ATXN7: variants seen among roughly 807,000 people sequenced by gnomAD.
The protein encoded by ATXN7 is ataxin 7.
A neutral mutation model predicts 70.5 loss-of-function variants in ATXN7; 12 were observed. The observed-to-expected ratio is 0.17, with a 90% CI of 0.11 to 0.28. The LOEUF (loss-of-function observed/expected upper bound fraction) is 0.28, where lower values mean the gene tolerates loss of function less well. ATXN7 is among the 10% of genes least tolerant of loss of function. The pLI, the probability that ATXN7 is intolerant of heterozygous loss-of-function variation, is 1.00. For synonymous variants in ATXN7, 498 were observed against 448.7 expected, an observed-to-expected ratio of 1.11 and a Z score of -1.39; for missense variants, 1,256 against 1,131.7, an observed-to-expected ratio of 1.11 and a Z score of -1.58.
intron 2 of ATXN7, among the ~76,000 whole-genome samples, chr3:63,906,349 C>T (rs539345700): frequency 1.1e-4 from 16 of 152,306 alleles, no homozygotes; most frequent in Admixed American, 9.8e-4. Context: ...TTGTGTTGTT[C>T]CTTCCCTCTT....
intron 4 of ATXN7, among the ~76,000 whole-genome samples, chr3:63,935,021 C>T (rs1157910466): frequency 6.6e-6 from 1 of 152,122 alleles, no homozygotes; most frequent in Non-Finnish European, 1.5e-5. Context: ...GCTTGAAAAC[C>T]ACAACTTTAA....
At chr3:63,901,801 T>C (rs534980403) in intron 2 of ATXN7, 1 of 152,304 alleles carries the variant, frequency 6.6e-6, no homozygotes, top group East Asian at 1.9e-4. Flanking sequence ...CAGTGGAATA[T>C]TATTTAGCCA....
chr3:63,913,595 T>C (rs899438341), intron 4 of ATXN7, among the ~76,000 whole-genome samples: 3 of 152,192 alleles, frequency 2.0e-5, no homozygotes, highest in Admixed American at 6.5e-5. Flanking sequence ...CATTTTCTGT[T>C]GGCAATCGAA....
chr3:63,884,242 TACTCTCACA>T (rs1703009231), intron 1 of ATXN7, among the ~76,000 whole-genome samples: 1 of 86,528 alleles, frequency 1.2e-5, no homozygotes, highest in African/African-American at 4.3e-5. Context: ...CACACACACA[TACTCTCACA>T]CACACACACA....
chr3:63,935,147 T>C (rs1017442904), intron 4 of ATXN7, among the ~76,000 whole-genome samples: 2 of 152,230 alleles, frequency 1.3e-5, no homozygotes, highest in Non-Finnish European at 2.9e-5. Context: ...TGAATGTTGA[T>C]GCTGCTGCTC....
Position 63,932,193 on chromosome 3 carries a change from A to G in ATXN7, c.394+18968A>G, listed in dbSNP as rs371696873. Reference sequence around the variant, plus strand: ...GCAGGTTCCCATATTCAAGGTAATTAAAAAATTTTTTAATTTGGTTTCTAA... The same window carrying G: ...GCAGGTTCCCATATTCAAGGTAATTGAAAAATTTTTTAATTTGGTTTCTAA... On this transcript the variant is annotated intron_variant, in intron 4 of 12. Transcript: ENST00000674280. Among the ~76,000 whole-genome samples the G allele has an allele frequency of 8.5e-5, 13 of 152,188 alleles. No homozygotes were observed. The East Asian group carries it at 2.5e-3, about 29-fold the overall frequency.
intron 1 of ATXN7, among the ~76,000 whole-genome samples, chr3:63,896,658 A>T (rs899248627): frequency 1.3e-5 from 2 of 152,220 alleles, no homozygotes; most frequent in African/African-American, 4.8e-5. Flanking sequence ...AGCATGTAAT[A>T]GGTTTTTTCC....
At chr3:63,869,998 A>G (rs1033819052) in intron 1 of ATXN7, among the ~76,000 whole-genome samples, 6 of 152,182 alleles carry the variant, frequency 3.9e-5, no homozygotes, top group African/African-American at 1.2e-4. Flanking sequence ...GCTGTGATCC[A>G]TCAAACAACT....
In ATXN7 at chr3:63,990,302, AG is replaced by A; in HGVS notation, c.1490del (p.Gly497AlafsTer33). ...ASRLSSEEGE[G>X]DDKEESVEKL... ...CTCGGTTATCCAGTGAGGAGGGCGA[AG>A]GCGATGACAAAGAAGAGTCTGTTGA... On this transcript the variant is annotated frameshift_variant, in exon 10 of 13. Transcript: ENST00000674280. LOFTEE classifies it high-confidence loss of function. The A allele has an allele frequency of 6.2e-7, 1 of 1,614,166 alleles. No homozygotes were observed. The highest frequency in any genetic ancestry group is 8.5e-7 in the Non-Finnish European group (1 of 1,180,038).
chr3:63,957,102 A>G (rs1559645816), intron 5 of ATXN7, among the ~76,000 whole-genome samples: 1 of 152,194 alleles, frequency 6.6e-6, no homozygotes, highest in Non-Finnish European at 1.5e-5. Context: ...GAGGCTGTAT[A>G]CTGAGAGCTT....
At chr3:63,879,610 G>A (rs557219366) in intron 1 of ATXN7, among the ~76,000 whole-genome samples, 2 of 151,364 alleles carry the variant, frequency 1.3e-5, no homozygotes, top group South Asian at 2.1e-4. Flanking sequence ...TCCTGCCTCA[G>A]CCTCCCGAGT....
intron 2 of ATXN7, chr3:63,901,023 G>A (rs577760201): frequency 1.3e-5 from 2 of 152,300 alleles, no homozygotes; most frequent in African/African-American, 4.8e-5. Context: ...AACATTTATT[G>A]GGTGCCAACC....
At chr3:63,965,263 A>C (rs529748895) in intron 5 of ATXN7, among the ~76,000 whole-genome samples, 30 of 152,182 alleles carry the variant, frequency 2.0e-4, no homozygotes, top group Middle Eastern at 3.4e-3. Flanking sequence ...CATTATCTCA[A>C]ATTTACTCCT....
intron 1 of ATXN7, among the ~76,000 whole-genome samples, chr3:63,881,298 G>GT: frequency 6.6e-6 from 1 of 152,228 alleles, no homozygotes; most frequent in African/African-American, 2.4e-5. Context: ...GAGGGAGTAG[G>GT]TTTGGAATCT....
rs1259449015 is a variant in ATXN7 at position 63,995,879 on chromosome 3, C to A, written c.2057C>A (p.Ser686Tyr). The change falls in exon 12 of 13, where the codon TCT becomes TAT. Residue 686 changes from serine (S) to tyrosine (Y), a missense_variant. Coordinates refer to ENST00000674280, the MANE Select transcript of ATXN7 (RefSeq NM_001377405.1). ...SSKSLRPKES[S>Y]GNSTNCQNAS... ...AAATCTTTGAGGCCCAAGGAGTCTT[C>A]TGGTAACAGCACTAACTGTCAAAAT... 1 of 1,614,260 alleles carries A rather than the reference C, an allele frequency of 6.2e-7. No homozygotes were observed. Among genetic ancestry groups the A allele is most frequent in the Non-Finnish European group, 8.5e-7 (1 of 1,180,046 alleles).
intron 5 of ATXN7, among the ~76,000 whole-genome samples, chr3:63,959,730 A>G (rs920852603): frequency 6.6e-6 from 1 of 152,018 alleles, no homozygotes; most frequent in African/African-American, 2.4e-5. Context: ...AAGTTATGTC[A>G]TTTGTAGGAG....
At chr3:63,895,929 T>C (rs866678798) in intron 1 of ATXN7, among the ~76,000 whole-genome samples, 1 of 152,142 alleles carries the variant, frequency 6.6e-6, no homozygotes, top group African/African-American at 2.4e-5. Flanking sequence ...CTTTTTCCTA[T>C]AGACTGAGAG....
At chr3:63,900,531 A>G (rs1156537680) in intron 2 of ATXN7, 2 of 152,282 alleles carry the variant, frequency 1.3e-5, no homozygotes, top group African/African-American at 4.8e-5. Flanking sequence ...ATCACGTTGA[A>G]TGTTGTTCAT....
In ATXN7 at chr3:63,999,520, A is replaced by G. The variant is rs1463807995; in HGVS notation, c.*53A>G. The G allele has an allele frequency of 3.1e-6, 5 of 1,610,308 alleles. No homozygotes were observed. Among genetic ancestry groups the G allele is most frequent in the East Asian group, 4.5e-5 (2 of 44,812 alleles). On this transcript the variant is annotated 3_prime_UTR_variant, in exon 13 of 13. Transcript: ENST00000674280. ...ATGCGGACACTTTTGAGGACAAGTT[A>G]CACCTCCACTCAGCACTCTGGACTC...
Sources: gnomAD v4.1 joint callset for allele counts (sites outside exome capture counted in the v4.1 genomes callset) on GRCh38, gnomAD v4.1.1 for gene constraint, MANE v1.5 for transcripts, NCBI Gene and HGNC (gene_info 2026-07-23, HGNC 2026-07-21) for gene names.